DPP4: variants seen among roughly 807,000 people sequenced by gnomAD.
DPP4 encodes dipeptidyl peptidase 4.
DPP4 carries 93 observed loss-of-function variants against 122.4 expected under a neutral mutation model. The ratio of observed to expected loss-of-function variants is 0.76; its 90% CI spans 0.64 to 0.90. The LOEUF (loss-of-function observed/expected upper bound fraction) is 0.90, where lower values mean the gene tolerates loss of function less well. Among genes scored for constraint, DPP4 ranks in the 40% least tolerant of loss-of-function variants. The pLI, the probability that DPP4 is intolerant of heterozygous loss-of-function variation, is 0.00. For missense variants in DPP4, 914 were observed against 907.3 expected (o/e 1.01, Z -0.09); for synonymous variants, 321 against 302.9 (o/e 1.06, Z -0.62).
chr2:162,063,382 A>C (rs1444143848), intron 2 of DPP4, among the ~76,000 whole-genome samples: 1 of 152,146 alleles, frequency 6.6e-6, no homozygotes, highest in Non-Finnish European at 1.5e-5. Context: ...CCAAGTTGTA[A>C]ATGGTATTTG....
chr2:162,021,790 CAT>C (rs1450456583), intron 12 of DPP4, among the ~76,000 whole-genome samples: 3 of 152,134 alleles, frequency 2.0e-5, no homozygotes, highest in Admixed American at 6.5e-5. Context: ...GAGGAAAAAA[CAT>C]ATTTTTTTCA....
chr2:162,019,185 T>G (rs1683029906), intron 15 of DPP4, 38 bp downstream of exon 15: 1 of 1,556,508 alleles, frequency 6.4e-7, no homozygotes, highest in Non-Finnish European at 8.8e-7. Flanking sequence ...GTTCGTCAGC[T>G]AAAATGACTC....
At position 162,035,336 on chromosome 2, in the gene DPP4, C is replaced by T; in HGVS notation, c.614-12G>A. 5.0e-6 allele frequency: 8 copies of T among 1,609,448 alleles called. No homozygotes were observed. Among genetic ancestry groups the T allele is most frequent in the Non-Finnish European group, 5.9e-6 (7 of 1,178,530 alleles). ...ACTGAAGACTTCCTCTGAAAAAAGACACAAATTGTTCTGTTACAAGAAGTA... is the reference window on the plus strand; with the variant it reads ...ACTGAAGACTTCCTCTGAAAAAAGATACAAATTGTTCTGTTACAAGAAGTA... On this transcript the variant is annotated splice_polypyrimidine_tract_variant and intron_variant, in intron 8 of 25. Coordinates refer to ENST00000360534, the MANE Select transcript of DPP4 (RefSeq NM_001935.4).
At chr2:162,019,352 C>G in intron 14 of DPP4, 76 bp from the exon 15 acceptor site, 1 of 1,045,610 alleles carries the variant, frequency 9.6e-7, no homozygotes, top group South Asian at 1.5e-5. Context: ...GCACTCAGAC[C>G]CCAAGCCTAA....
At chr2:162,013,825 A>G (rs1039650581) in intron 19 of DPP4, among the ~76,000 whole-genome samples, 1 of 152,176 alleles carries the variant, frequency 6.6e-6, no homozygotes, top group African/African-American at 2.4e-5. Flanking sequence ...TATAAAAAAT[A>G]TTTTACAAAG....
intron 10 of DPP4, among the ~76,000 whole-genome samples, chr2:162,030,063 G>C (rs1683488010): frequency 1.3e-5 from 2 of 152,182 alleles, no homozygotes; most frequent in Admixed American, 6.5e-5. Context: ...ACGATTGCAG[G>C]ATTGGCCTCT....
At chr2:161,996,863 G>A (rs1354304067) in intron 23 of DPP4, among the ~76,000 whole-genome samples, 2 of 152,134 alleles carry the variant, frequency 1.3e-5, no homozygotes, top group Non-Finnish European at 2.9e-5. Context: ...CACAGTTTCA[G>A]GCATCCACTG....
chr2:162,061,983 G>A (rs940769033), intron 2 of DPP4, among the ~76,000 whole-genome samples: 13 of 151,950 alleles, frequency 8.6e-5, no homozygotes, highest in South Asian at 2.1e-4. Context: ...AAATGTGGTC[G>A]CCAGCCTGGG....
chr2:162,018,948 G>A (rs1378811819), intron 15 of DPP4, 98 bp from the exon 16 acceptor site: 4 of 1,476,398 alleles, frequency 2.7e-6, no homozygotes, highest in East Asian at 2.3e-5. Flanking sequence ...ACAGCAGCAT[G>A]CCAACGCAAT....
At chr2:162,073,571 G>T in intron 1 of DPP4, 85 bp from the exon 2 acceptor site, 1 of 1,353,912 alleles carries the variant, frequency 7.4e-7, no homozygotes, top group South Asian at 1.2e-5. Flanking sequence ...TCCAGAGGCA[G>T]CAGGATTTGC....
In DPP4 at chr2:161,999,746, G is replaced by T. The variant is rs558389090; in HGVS notation, c.2053-4374C>A. ...AGGAGAGTACTATGAGAAACAGAAG[G>T]TATAACAATTTTTAAACTACCCCTA... On this transcript the variant is annotated intron_variant, in intron 23 of 25. Transcript: ENST00000360534. Among the ~76,000 whole-genome samples, 77 of 152,272 alleles carry T rather than the reference G, an allele frequency of 5.1e-4. No homozygotes were observed. The South Asian group carries it at 6.2e-3, about 12-fold the overall frequency.
intron 2 of DPP4, among the ~76,000 whole-genome samples, chr2:162,055,278 A>G (rs1314598098): frequency 1.3e-5 from 2 of 152,234 alleles, no homozygotes; most frequent in African/African-American, 2.4e-5. Flanking sequence ...AGTTTTCAGT[A>G]TGAAGGGAAA....
chr2:162,053,591 T>C (rs1414514360), intron 2 of DPP4, among the ~76,000 whole-genome samples: 2 of 152,194 alleles, frequency 1.3e-5, no homozygotes, highest in African/African-American at 2.4e-5. Flanking sequence ...TGGGCACCCA[T>C]GGGACCTCAT....
rs2106064325 is a variant in DPP4 at position 161,993,129 on chromosome 2, T to A, written c.*154A>T. On this transcript the variant is annotated 3_prime_UTR_variant, in exon 26 of 26. Transcript: ENST00000360534. ...TGAAGACAGAAGTCCCTACTTAAGATGATAGGTATGAAATTTGGGAACAAA... is the reference window on the plus strand; with the variant it reads ...TGAAGACAGAAGTCCCTACTTAAGAAGATAGGTATGAAATTTGGGAACAAA... 3 of 590,156 alleles carry A rather than the reference T, an allele frequency of 5.1e-6. No homozygotes were observed. The East Asian group carries it at 8.4e-5, about 17-fold the overall frequency. The allele number at this position is 590,156 out of a possible 1,614,324, so 36.6% of individuals were successfully genotyped here.
intron 2 of DPP4, among the ~76,000 whole-genome samples, chr2:162,072,793 C>T (rs1221326343): frequency 1.3e-5 from 2 of 152,178 alleles, no homozygotes; most frequent in Non-Finnish European, 2.9e-5. Context: ...ATTCCAGACC[C>T]TTCTTAAATA....
rs369733447 is a variant in DPP4 at position 162,011,748 on chromosome 2, G to GA, written c.1832+44dup. The stretch of plus-strand genomic sequence containing the variant: ...GCTTTAAAATGTAAATTTTAAAGGG[G>GA]AAAAAAAATCAGATGACCTTTGACT... On this transcript the variant is annotated intron_variant, in intron 20 of 25. Transcript: ENST00000360534. 153 of 1,579,576 alleles carry GA rather than the reference G, an allele frequency of 9.7e-5. 1 individual carries two copies. The highest frequency in any genetic ancestry group is 4.0e-4 in the South Asian group (35 of 87,542).
chr2:161,994,502 C>T (rs909678141), intron 25 of DPP4, among the ~76,000 whole-genome samples: 4 of 152,170 alleles, frequency 2.6e-5, no homozygotes, highest in African/African-American at 9.7e-5. Context: ...CAAAAGATCA[C>T]CTTGTAATTG....
chr2:162,061,488 T>C (rs1424464220), intron 2 of DPP4, among the ~76,000 whole-genome samples: 1 of 152,230 alleles, frequency 6.6e-6, no homozygotes, highest in African/African-American at 2.4e-5. Context: ...AATCAAGTAA[T>C]TTTATATCTA....
intron 2 of DPP4, among the ~76,000 whole-genome samples, chr2:162,071,534 C>T (rs1172391064): frequency 3.3e-5 from 5 of 152,002 alleles, no homozygotes; most frequent in African/African-American, 2.4e-5. Flanking sequence ...CCCAGCTACT[C>T]GGGAGGCTGA....
Sources: gnomAD v4.1 joint callset for allele counts (sites outside exome capture counted in the v4.1 genomes callset) on GRCh38, gnomAD v4.1.1 for gene constraint, MANE v1.5 for transcripts, NCBI Gene and HGNC (gene_info 2026-07-23, HGNC 2026-07-21) for gene names.